The following FSTL1 variants were observed in gnomAD, a reference collection of about 807,000 sequenced individuals.
FSTL1 encodes follistatin like 1.
Under a neutral mutation model 45.9 loss-of-function variants are expected in FSTL1, and 24 were observed. The ratio of observed to expected loss-of-function variants is 0.52; its 90% CI spans 0.38 to 0.74. The LOEUF (loss-of-function observed/expected upper bound fraction) is 0.74. Among genes scored for constraint, FSTL1 ranks in the 30% least tolerant of loss-of-function variants. FSTL1 has a pLI of 0.00. For synonymous variants in FSTL1, 120 were observed against 137.6 expected (o/e 0.87, Z 0.89); for missense variants, 340 against 381.8 (o/e 0.89, Z 0.91).
rs889669653 is a variant in FSTL1 at position 120,395,218 on chromosome 3, C to T, written c.*1734G>A. 1 of 160,556 alleles carries T rather than the reference C, an allele frequency of 6.2e-6. No homozygotes were observed. Among genetic ancestry groups the T allele is most frequent in the African/African-American group, 2.4e-5 (1 of 41,488 alleles). The allele number at this position is 160,556 out of a possible 1,614,324, so 9.9% of individuals were successfully genotyped here. A position where few individuals can be genotyped will look rare whatever the true frequency, so the allele number is the denominator to read the frequency against. On this transcript the variant is annotated 3_prime_UTR_variant, in exon 11 of 11. Transcript: ENST00000295633. ...TCTCACAGTTGCCTGTGCATTACAA[C>T]CTAAATAATTTCCTTCTGATGGTCT...
chr3:120,434,313 G>A (rs1937518983), intron 2 of FSTL1, among the ~76,000 whole-genome samples: 1 of 152,200 alleles, frequency 6.6e-6, no homozygotes, highest in Non-Finnish European at 1.5e-5. Context: ...AGCCAGTTCT[G>A]GGTAGGTGTG....
Position 120,415,915 on chromosome 3 carries a change from G to C in FSTL1, c.168+8C>G. 1.3e-6 allele frequency: 2 copies of C among 1,583,314 alleles called. No individual in the cohort carries two copies. Among genetic ancestry groups the C allele is most frequent in the Non-Finnish European group, 1.7e-6 (2 of 1,151,992 alleles). The stretch of plus-strand genomic sequence containing the variant: ...CACTGTCCTCTGGCTCCCGACATCA[G>C]GACTTACCTCAATGCAGAGACAGGT... On this transcript the variant is annotated splice_region_variant and intron_variant, in intron 3 of 10. Coordinates refer to ENST00000295633, the MANE Select transcript of FSTL1 (RefSeq NM_007085.5).
intron 2 of FSTL1, among the ~76,000 whole-genome samples, chr3:120,440,802 T>A (rs1176407156): frequency 6.6e-6 from 1 of 152,226 alleles, no homozygotes; most frequent in East Asian, 1.9e-4. Flanking sequence ...TGGCAGCTCC[T>A]ACTGCAGCCC....
intron 2 of FSTL1, among the ~76,000 whole-genome samples, chr3:120,434,254 A>T (rs1937518584): frequency 6.6e-6 from 1 of 152,188 alleles, no homozygotes; most frequent in South Asian, 2.1e-4. Flanking sequence ...GAGAAAGTGA[A>T]AAATAAAAGA....
chr3:120,430,871 ACT>A (rs1231741865), intron 2 of FSTL1, among the ~76,000 whole-genome samples: 4 of 152,350 alleles, frequency 2.6e-5, no homozygotes, highest in Admixed American at 2.0e-4. Context: ...ATAAGAGATA[ACT>A]CAAGACAATG....
At chr3:120,418,314 C>T (rs1937221264) in intron 2 of FSTL1, among the ~76,000 whole-genome samples, 1 of 152,112 alleles carries the variant, frequency 6.6e-6, no homozygotes, top group Non-Finnish European at 1.5e-5. Flanking sequence ...GATAACTTGC[C>T]CAAGTTTCCA....
intron 2 of FSTL1, chr3:120,423,790 T>C (rs1016666166): frequency 6.6e-6 from 1 of 152,200 alleles, no homozygotes; most frequent in African/African-American, 2.4e-5. Flanking sequence ...TCCCAAGATA[T>C]CTTGTCACTC....
chr3:120,419,989 C>T lies in FSTL1; in HGVS notation c.64-3962G>A, dbSNP rs188851653. Among the ~76,000 whole-genome samples the T allele has an allele frequency of 1.6e-4, 24 of 152,248 alleles. 1 individual carries two copies. Among genetic ancestry groups the T allele is most frequent in the East Asian group, 5.8e-4 (3 of 5,170 alleles). On this transcript the variant is annotated intron_variant, in intron 2 of 10. Transcript: ENST00000295633. ...TCGGAGAGTCAGGAAAGCTCTGTGA[C>T]GCATGGAGGCCACATAACTAGTGAG... is the stretch of plus-strand genomic sequence containing the variant.
At chr3:120,426,003 A>G (rs972603350) in intron 2 of FSTL1, among the ~76,000 whole-genome samples, 1 of 152,206 alleles carries the variant, frequency 6.6e-6, no homozygotes, top group African/African-American at 2.4e-5. Flanking sequence ...AAGGAGAGAA[A>G]GGCTAAAGGA....
intron 10 of FSTL1, 60 bp from the exon 11 acceptor site, chr3:120,397,056 C>G: frequency 7.5e-7 from 1 of 1,327,752 alleles, no homozygotes; most frequent in Non-Finnish European, 1.1e-6. Flanking sequence ...TGGAATTTAT[C>G]TGTTCCTCAA....
chr3:120,438,969 G>T (rs143208349), intron 2 of FSTL1, among the ~76,000 whole-genome samples: 4 of 152,162 alleles, frequency 2.6e-5, no homozygotes, highest in Non-Finnish European at 4.4e-5. Context: ...CCAGTCCCCC[G>T]GGACAGTTTA....
rs138829728 is a variant in FSTL1 at position 120,404,885 on chromosome 3, C to T, written c.549G>A (p.Thr183=). The T allele has an allele frequency of 1.8e-5, 28 of 1,591,522 alleles. No homozygotes were observed. The highest frequency in any genetic ancestry group is 1.6e-4 in the African/African-American group (12 of 74,602). ...EQNETAINIT[T]YPDQENNKLL... ...ACTTGTTGTTCTCCTGGTCTGGATA[C>T]GTTGTAATATTGATGGCAGTTTCAT... Residue 183 remains threonine (T), a synonymous_variant, in exon 7 of 11, where the codon ACG becomes ACA. Coordinates refer to ENST00000295633, the MANE Select transcript of FSTL1 (RefSeq NM_007085.5).
intron 2 of FSTL1, among the ~76,000 whole-genome samples, chr3:120,418,732 T>G (rs1212694675): frequency 1.6e-5 from 2 of 121,358 alleles, no homozygotes; most frequent in Non-Finnish European, 3.8e-5. Flanking sequence ...GGTGCTCTCT[T>G]TAAACCTCAG....
At chr3:120,407,390 T>C (rs114296155) in intron 6 of FSTL1, among the ~76,000 whole-genome samples, 1 of 152,192 alleles carries the variant, frequency 6.6e-6, no homozygotes, top group Admixed American at 6.5e-5. Flanking sequence ...CAGATGAAAT[T>C]AGGAATGGAT....
At chr3:120,422,445 C>T (rs929328280) in intron 2 of FSTL1, among the ~76,000 whole-genome samples, 4 of 152,124 alleles carry the variant, frequency 2.6e-5, no homozygotes, top group African/African-American at 9.7e-5. Context: ...AACATTAAAA[C>T]ATTTGTACAC....
At chr3:120,418,119 T>C (rs939424670) in intron 2 of FSTL1, among the ~76,000 whole-genome samples, 3 of 152,264 alleles carry the variant, frequency 2.0e-5, no homozygotes, top group Non-Finnish European at 2.9e-5. Context: ...TTTTCAGGAA[T>C]AGTTCTCAAA....
chr3:120,437,226 C>T (rs562721809), intron 2 of FSTL1, among the ~76,000 whole-genome samples: 1 of 152,272 alleles, frequency 6.6e-6, no homozygotes, highest in African/African-American at 2.4e-5. Flanking sequence ...GCTAAAAATA[C>T]ATGTAATTAG....
At chr3:120,408,009 A>AG (rs1331562300) in intron 6 of FSTL1, among the ~76,000 whole-genome samples, 1 of 152,232 alleles carries the variant, frequency 6.6e-6, no homozygotes, top group Non-Finnish European at 1.5e-5. Context: ...GTGCCATCAA[A>AG]GGGCCACTAA....
intron 2 of FSTL1, among the ~76,000 whole-genome samples, chr3:120,426,179 A>G (rs1245459317): frequency 1.3e-5 from 2 of 152,028 alleles, no homozygotes; most frequent in Non-Finnish European, 2.9e-5. Context: ...ATTCCCACAC[A>G]CCTAAATCCC....
Sources: gnomAD v4.1 joint callset for allele counts (sites outside exome capture counted in the v4.1 genomes callset) on GRCh38, gnomAD v4.1.1 for gene constraint, MANE v1.5 for transcripts, NCBI Gene and HGNC (gene_info 2026-07-23, HGNC 2026-07-21) for gene names.